Variants in GRAMD4 observed in about 807,000 individuals in gnomAD.
The protein encoded by GRAMD4 is GRAM domain-containing protein 4.
Under a neutral mutation model 83.9 loss-of-function variants are expected in GRAMD4, and 25 were observed. The ratio of observed to expected loss-of-function variants is 0.30; its 90% CI spans 0.22 to 0.42. The LOEUF is 0.42. Ranked by LOEUF, GRAMD4 falls within the 10% of genes least tolerant of loss-of-function variation. GRAMD4 has a pLI of 1.00. For synonymous variants in GRAMD4, 336 were observed against 320.9 expected, an observed-to-expected ratio of 1.05 and a Z score of -0.50; for missense variants, 593 against 788.7, an observed-to-expected ratio of 0.75 and a Z score of 2.97.
At position 46,602,008 on chromosome 22, in the gene GRAMD4, G is replaced by A. The variant is rs77270029; in HGVS notation, c.-50+24718G>A. Reference sequence around the variant, plus strand: ...TCTTTTTTCTCCTCTCCTCCTCCTCGTTTCCATAGACACATGGCCAGGCAC... The same window carrying A: ...TCTTTTTTCTCCTCTCCTCCTCCTCATTTCCATAGACACATGGCCAGGCAC... On this transcript the variant is annotated intron_variant, in intron 1 of 1. Transcript: ENST00000431155. Among the ~76,000 whole-genome samples the A allele has an allele frequency of 7.2e-3, 1,093 of 152,084 alleles. 11 individuals carry two copies. Among genetic ancestry groups the A allele is most frequent in the Non-Finnish European group, 0.012 (812 of 67,996 alleles).
intron 4 of GRAMD4, among the ~76,000 whole-genome samples, chr22:46,658,794 G>A (rs550050362): frequency 1.4e-5 from 2 of 142,512 alleles, no homozygotes; most frequent in South Asian, 2.4e-4. Context: ...CCCCAGCCAC[G>A]CTGTGGCCCC....
At chr22:46,596,344 G>A (rs1482131722) in intron 1 of GRAMD4, among the ~76,000 whole-genome samples, 2 of 152,220 alleles carry the variant, frequency 1.3e-5, no homozygotes, top group Non-Finnish European at 2.9e-5. Context: ...GTCCCTGGCG[G>A]CCCTTTCTGC....
At chr22:46,618,352 AGGACCCCAC>A (rs148476453), upstream of GRAMD4, among the ~76,000 whole-genome samples, 318 of 152,304 alleles carry the variant, frequency 2.1e-3, 1 homozygote, top group African/African-American at 7.2e-3. The surrounding 1 kb of genome is among the most constrained non-coding windows in gnomAD (Gnocchi z 5.8). Flanking sequence ...GGGCAATCCA[AGGACCCCAC>A]GTCAAACCAA....
chr22:46,585,603 C>T (rs141091430), intron 1 of GRAMD4, among the ~76,000 whole-genome samples: 63 of 152,332 alleles, frequency 4.1e-4, no homozygotes, highest in African/African-American at 1.4e-3. Context: ...CTTGTGTTCG[C>T]GGTCCCATGA....
chr22:46,593,481 C>T lies in GRAMD4; in HGVS notation c.-50+16191C>T, dbSNP rs575624350. 3.3e-5 allele frequency among the ~76,000 whole-genome samples: 5 copies of T among 152,318 alleles called. No homozygotes were observed. In the South Asian group the frequency reaches 6.2e-4, roughly 19 times the overall value. Reference sequence around the variant, plus strand: ...GGTGGGACCGCCCCCCAACCCCTGCCGCAGGGCCTACCGAGAGTCCCATGG... The same window carrying T: ...GGTGGGACCGCCCCCCAACCCCTGCTGCAGGGCCTACCGAGAGTCCCATGG... On this transcript the variant is annotated intron_variant, in intron 1 of 1. Coordinates refer to the GRAMD4 transcript ENST00000431155.
chr22:46,629,651 A>C (rs1283369306), intron 2 of GRAMD4, among the ~76,000 whole-genome samples: 1 of 152,182 alleles, frequency 6.6e-6, no homozygotes, highest in East Asian at 1.9e-4. Context: ...CTTAATCGAG[A>C]TATTCCCACC....
upstream of GRAMD4, chr22:46,577,052 CG>C: frequency 6.8e-6 from 1 of 146,358 alleles, no homozygotes; most frequent in South Asian, 2.0e-4. Flanking sequence ...CGGCGCGGGG[CG>C]GGGCGGCGGC....
intron 8 of GRAMD4, among the ~76,000 whole-genome samples, chr22:46,664,844 G>A (rs1430080699): frequency 6.6e-6 from 1 of 152,234 alleles, no homozygotes; most frequent in Admixed American, 6.5e-5. Flanking sequence ...CGGGCCCCTT[G>A]GGAGAGGTCC....
At chr22:46,673,643 G>A in intron 14 of GRAMD4, 27 bp from the exon 15 acceptor site, 1 of 1,605,214 alleles carries the variant, frequency 6.2e-7, no homozygotes, top group Non-Finnish European at 8.5e-7. Flanking sequence ...CAGCGGGCCT[G>A]ACCTCGACGC....
intron 2 of GRAMD4, among the ~76,000 whole-genome samples, chr22:46,634,498 G>T (rs1369846259): frequency 1.3e-5 from 2 of 152,214 alleles, no homozygotes; most frequent in Non-Finnish European, 2.9e-5. Flanking sequence ...GCGAATGGCG[G>T]GAGAAGGAGC....
At chr22:46,620,329 TG>T, upstream of GRAMD4, 1 of 985,416 alleles carries the variant, frequency 1.0e-6, no homozygotes, top group Non-Finnish European at 1.2e-6. This position sits in a 1 kb window ranked among gnomAD's most constrained non-coding sequence, Gnocchi z 4.7. Flanking sequence ...GCCCTGAGCC[TG>T]GGGGATCCTG....
intron 1 of GRAMD4, among the ~76,000 whole-genome samples, chr22:46,583,718 C>G (rs925026720): frequency 2.6e-5 from 4 of 152,254 alleles, no homozygotes; most frequent in Admixed American, 1.3e-4. Context: ...TGCCCTCTAA[C>G]CACGTCACGC....
chr22:46,606,752 G>A (rs890601608), intron 1 of GRAMD4, among the ~76,000 whole-genome samples: 18 of 152,248 alleles, frequency 1.2e-4, no homozygotes, highest in African/African-American at 1.9e-4. Flanking sequence ...GCATCTCTGC[G>A]TGGACTTATT....
intron 1 of GRAMD4, among the ~76,000 whole-genome samples, chr22:46,598,965 T>A (rs1188508087): frequency 2.6e-5 from 4 of 152,068 alleles, no homozygotes; most frequent in Non-Finnish European, 4.4e-5. Context: ...GTGGTGGGAC[T>A]GTGAGCTCCT....
At chr22:46,648,951 G>GATGGATGGATGGATGGATGC (rs1409086041) in intron 3 of GRAMD4, among the ~76,000 whole-genome samples, 7 of 86,880 alleles carry the variant, frequency 8.1e-5, no homozygotes, top group South Asian at 3.5e-4. Context: ...TGGATGGATG[G>GATGGATGGATGGATGGATGC]ATGGATGGAT....
At chr22:46,626,373 C>A (rs527759332) in intron 1 of GRAMD4, among the ~76,000 whole-genome samples, 1 of 152,052 alleles carries the variant, frequency 6.6e-6, no homozygotes. Flanking sequence ...GCCTGCGCGC[C>A]GCCTCGCCGA....
rs1378727840 is a variant in GRAMD4 at position 46,667,992 on chromosome 22, G to GA, written c.859-103dup. The GA allele has an allele frequency of 1.9e-5, 15 of 775,886 alleles. No individual in the cohort carries two copies. In the East Asian group the frequency reaches 3.7e-4, roughly 19 times the overall value. The allele number at this position is 775,886 out of a possible 1,614,324, so 48.1% of individuals were successfully genotyped here. ...GTCCCATCCCCCCTGGCTGTGTGGG[G>GA]ACAGCAGAGTCCCTGGGGCTGGGAG... is the stretch of plus-strand genomic sequence containing the variant. On this transcript the variant is annotated intron_variant, in intron 10 of 18. Coordinates refer to ENST00000406902, the MANE Select transcript of GRAMD4 (RefSeq NM_015124.5).
At chr22:46,638,008 G>T in intron 3 of GRAMD4, 48 bp downstream of exon 3, 1 of 1,597,554 alleles carries the variant, frequency 6.3e-7, no homozygotes, top group Non-Finnish European at 8.6e-7. Context: ...GTGGGTCAGG[G>T]GTGGCTGAGA....
rs1462785439 is a variant in GRAMD4, at chr22:46,672,654, G to A, written c.1085-189G>A. 6.6e-6 allele frequency among the ~76,000 whole-genome samples: 1 copy of A among 152,000 alleles called. No homozygotes were observed. Among genetic ancestry groups the A allele is most frequent in the Non-Finnish European group, 1.5e-5 (1 of 67,960 alleles). On this transcript the variant is annotated intron_variant, in intron 13 of 18. Transcript: ENST00000406902. The surrounding 1 kb of genome is among the most constrained non-coding windows in gnomAD (Gnocchi z 4.7). ...GCCTGGGGTTGAGACTGTGCAGCAC[G>A]AATGGGCCCCAGGGGAGCGAGGCTG...
Sources: gnomAD v4.1 joint callset for allele counts (sites outside exome capture counted in the v4.1 genomes callset) on GRCh38, gnomAD v4.1.1 for gene constraint, Gnocchi (gnomAD v3.1) non-coding constraint, MANE v1.5 for transcripts, NCBI Gene and HGNC (gene_info 2026-07-23, HGNC 2026-07-21) for gene names.